Variants in WDTC1 observed in about 807,000 individuals in gnomAD.
WDTC1 encodes the protein WD and tetratricopeptide repeats 1.
WDTC1 carries 12 observed loss-of-function variants against 76.0 expected under a neutral mutation model. That is an observed-to-expected ratio of 0.16 (90% CI 0.10 to 0.26). The LOEUF (loss-of-function observed/expected upper bound fraction) is 0.26, where lower values mean the gene tolerates loss of function less well. WDTC1 is among the 10% of genes least tolerant of loss of function. The pLI is 1.00. For synonymous variants in WDTC1, 326 were observed against 350.8 expected, an observed-to-expected ratio of 0.93 and a Z score of 0.79; for missense variants, 511 against 908.8, an observed-to-expected ratio of 0.56 and a Z score of 5.63.
intron 3 of WDTC1, among the ~76,000 whole-genome samples, chr1:27,281,832 G>A (rs2013201019): frequency 6.6e-6 from 1 of 152,068 alleles, no homozygotes; most frequent in South Asian, 2.1e-4. Context: ...CAAGCAATCT[G>A]CCCAAAGCAG....
At chr1:27,296,737 C>T (rs1258459410) in intron 10 of WDTC1, among the ~76,000 whole-genome samples, 1 of 149,168 alleles carries the variant, frequency 6.7e-6, no homozygotes, top group East Asian at 1.9e-4. Flanking sequence ...ATTTAGGCAC[C>T]TCCTCACTCC....
At chr1:27,236,836 GT>G (rs763906456) in intron 1 of WDTC1, among the ~76,000 whole-genome samples, 10 of 152,034 alleles carry the variant, frequency 6.6e-5, no homozygotes, top group Non-Finnish European at 1.5e-4. Context: ...ATGTATGTAT[GT>G]ATTTATTTAT....
chr1:27,278,407 C>T (rs1186551110), intron 3 of WDTC1, among the ~76,000 whole-genome samples: 1 of 152,132 alleles, frequency 6.6e-6, no homozygotes, highest in Non-Finnish European at 1.5e-5. Context: ...AGGAACTATT[C>T]ATTAATTCAG....
intron 1 of WDTC1, among the ~76,000 whole-genome samples, chr1:27,250,351 T>C (rs1234593515): frequency 6.6e-6 from 1 of 152,036 alleles, no homozygotes; most frequent in Non-Finnish European, 1.5e-5. Flanking sequence ...GGTTTTGCCA[T>C]GTTGACCAGG....
chr1:27,258,597 T>C (rs537203072), intron 1 of WDTC1, among the ~76,000 whole-genome samples: 5 of 151,684 alleles, frequency 3.3e-5, no homozygotes, highest in African/African-American at 1.2e-4. Context: ...GAGCTTGTTA[T>C]CCCAAAATTG....
Position 27,298,124 on chromosome 1 carries a change from T to A in WDTC1, c.1232+13T>A. On this transcript the variant is annotated intron_variant, in intron 12 of 15. Coordinates refer to ENST00000319394, the MANE Select transcript of WDTC1 (RefSeq NM_001276252.2). The stretch of plus-strand genomic sequence containing the variant: ...TGAAGCGCAAGTGGTGAGTGGCCAC[T>A]GCAGAGGGGATCTGGGTCAGGATGA... 6.3e-7 allele frequency: 1 copy of A among 1,579,446 alleles called. No homozygotes were observed.
rs1570980107 is a variant in WDTC1, at chr1:27,292,218, G to A, written c.483G>A (p.Gln161=). Reference sequence around the variant, plus strand: ...CTAACTCTGTCCTCTCTCACAGCCAGTATGACCTTCGAGAGAACAGCAAAC... The same window carrying A: ...CTAACTCTGTCCTCTCTCACAGCCAATATGACCTTCGAGAGAACAGCAAAC... ...WSAAEDGLIR[Q]YDLRENSKHS... Residue 161 remains glutamine, a synonymous_variant, in exon 7 of 16, where the codon CAG becomes CAA. Transcript: ENST00000319394. The A allele has an allele frequency of 6.3e-7, 1 of 1,579,518 alleles. No homozygotes were observed. The highest frequency in any genetic ancestry group is 1.7e-4 in the Middle Eastern group (1 of 5,858).
chr1:27,261,184 C>G (rs973367726), intron 2 of WDTC1, 82 bp downstream of exon 2: 52 of 1,563,208 alleles, frequency 3.3e-5, no homozygotes, highest in Non-Finnish European at 4.5e-5. Context: ...AAACTGAAAT[C>G]TATAGTCTGT....
intron 1 of WDTC1, among the ~76,000 whole-genome samples, chr1:27,258,127 G>C (rs1453573293): frequency 2.0e-5 from 3 of 151,544 alleles, no homozygotes; most frequent in East Asian, 2.0e-4. Context: ...TGCCAGGCAC[G>C]GTGGCTCATG....
At chr1:27,281,439 CAAAAAAAA>C (rs891009695) in intron 3 of WDTC1, among the ~76,000 whole-genome samples, 4 of 61,262 alleles carry the variant, frequency 6.5e-5, no homozygotes, top group Non-Finnish European at 1.3e-4. Flanking sequence ...GACTCTGTCT[CAAAAAAAA>C]AAAAAAAAAA....
intron 1 of WDTC1, among the ~76,000 whole-genome samples, chr1:27,243,374 G>A (rs1361242052): frequency 6.6e-6 from 1 of 151,646 alleles, no homozygotes; most frequent in Non-Finnish European, 1.5e-5. Context: ...CACCATGTCC[G>A]GCTAATTTTT....
chr1:27,289,696 T>C (rs1037982552), intron 6 of WDTC1, among the ~76,000 whole-genome samples: 6 of 152,084 alleles, frequency 3.9e-5, no homozygotes, highest in Admixed American at 6.5e-5. Context: ...CTGGGCACCA[T>C]TGAGCACTGA....
chr1:27,285,711 C>T (rs1430304164), intron 5 of WDTC1, among the ~76,000 whole-genome samples: 1 of 151,402 alleles, frequency 6.6e-6, no homozygotes, highest in African/African-American at 2.4e-5. Flanking sequence ...CTCAGCCTCC[C>T]GAGTAGCTGG....
chr1:27,248,766 C>T (rs1159485573), intron 1 of WDTC1, among the ~76,000 whole-genome samples: 2 of 151,946 alleles, frequency 1.3e-5, no homozygotes, highest in African/African-American at 2.4e-5. Flanking sequence ...CTCAAGCAGT[C>T]CTCCCACCTC....
At chr1:27,266,877 G>C (rs1469577421) in intron 3 of WDTC1, among the ~76,000 whole-genome samples, 1 of 152,066 alleles carries the variant, frequency 6.6e-6, no homozygotes, top group Non-Finnish European at 1.5e-5. Context: ...TTTTTTCCTG[G>C]GTTTTCCAAT....
intron 3 of WDTC1, among the ~76,000 whole-genome samples, chr1:27,279,127 T>G (rs1430861814): frequency 2.0e-5 from 3 of 152,236 alleles, no homozygotes; most frequent in Non-Finnish European, 4.4e-5. Context: ...CTTACTGATT[T>G]ATATGTTTGT....
intron 1 of WDTC1, among the ~76,000 whole-genome samples, chr1:27,247,712 CT>C (rs35930144): frequency 0.18 from 24,449 of 136,360 alleles, 2,175 homozygotes; most frequent in Non-Finnish European, 0.27. Context: ...CATTTTCTTT[CT>C]TTTTTTTTTT....
At chr1:27,244,230 T>C (rs1031229816) in intron 1 of WDTC1, among the ~76,000 whole-genome samples, 2 of 152,066 alleles carry the variant, frequency 1.3e-5, no homozygotes, top group African/African-American at 4.8e-5. Context: ...TTAAAAGAAA[T>C]GTCAAGTCAG....
Position 27,294,615 on chromosome 1 carries a change from A to C in WDTC1, c.859A>C (p.Met287Leu), listed in dbSNP as rs568851133. Residue 287 changes from methionine (M) to leucine (L), a missense_variant, in exon 9 of 16, where the codon ATG (methionine) becomes CTG (leucine). Transcript: ENST00000319394. ...CAATGGCACAGAGCTACTAGTCAAC[A>C]TGGGGGGGGAACAGGTATGTACAGC... is the stretch of plus-strand genomic sequence containing the variant. ...SPNGTELLVN[M>L]GGEQVYLFDL... 6.2e-7 allele frequency: 1 copy of C among 1,613,940 alleles called. No individual in the cohort carries two copies. The highest frequency in any genetic ancestry group is 1.3e-5 in the African/African-American group (1 of 75,004).
Sources: allele counts gnomAD v4.1 joint callset (sites outside exome capture counted in the v4.1 genomes callset), GRCh38; gene constraint gnomAD v4.1.1; transcripts MANE v1.5; gene names NCBI Gene and HGNC (gene_info 2026-07-23, HGNC 2026-07-21).